Variants in SYNRG observed in about 807,000 individuals in gnomAD.
SYNRG encodes AP1 gamma subunit binding protein 1.
SYNRG carries 37 observed loss-of-function variants against 130.9 expected under a neutral mutation model. The observed-to-expected ratio is 0.28, with a 90% CI of 0.22 to 0.37. SYNRG has a LOEUF of 0.37. Among genes scored for constraint, SYNRG ranks in the 10% least tolerant of loss-of-function variants. The probability of loss-of-function intolerance (pLI) is 1.00; values close to 1 mark genes in which losing one functional copy is unlikely to be tolerated. For missense variants in SYNRG, 1,338 were observed against 1,588.9 expected, an observed-to-expected ratio of 0.84 and a Z score of 2.68; for synonymous variants, 539 against 568.1, an observed-to-expected ratio of 0.95 and a Z score of 0.73.
chr17:37,576,286 C>T (rs960934333), intron 8 of SYNRG, 55 bp downstream of exon 8: 2 of 1,540,630 alleles, frequency 1.3e-6, no homozygotes, highest in African/African-American at 2.8e-5. Context: ...ACTACATTTA[C>T]AATATTTAAA....
chr17:37,574,296 G>T (rs1282231344), intron 8 of SYNRG, among the ~76,000 whole-genome samples: 1 of 152,118 alleles, frequency 6.6e-6, no homozygotes, highest in Admixed American at 6.6e-5. Context: ...CAGAAACTAT[G>T]AAACTACTAA....
intron 11 of SYNRG, 31 bp downstream of exon 11, chr17:37,568,760 G>T (rs781191874): frequency 6.2e-7 from 1 of 1,603,162 alleles, no homozygotes; most frequent in Non-Finnish European, 8.5e-7. Flanking sequence ...ATGGTTAAAT[G>T]CAATGTTAAA....
intron 1 of SYNRG, among the ~76,000 whole-genome samples, chr17:37,608,801 G>C (rs1356635063): frequency 6.6e-6 from 1 of 152,108 alleles, no homozygotes. Flanking sequence ...CTCTAAAAGG[G>C]GAAGAGACAA....
chr17:37,537,932 T>C (rs774127390), intron 18 of SYNRG, among the ~76,000 whole-genome samples: 13 of 152,200 alleles, frequency 8.5e-5, no homozygotes, highest in African/African-American at 1.2e-4. Flanking sequence ...ACACATCAAA[T>C]TGCTGCAGAT....
At chr17:37,593,178 C>G (rs975880159) in intron 3 of SYNRG, among the ~76,000 whole-genome samples, 15 of 152,000 alleles carry the variant, frequency 9.9e-5, no homozygotes, top group Non-Finnish European at 2.9e-5. Flanking sequence ...TTTGAGAGGC[C>G]AAAGCGGGTG....
At chr17:37,578,481 G>A (rs528345600) in intron 6 of SYNRG, among the ~76,000 whole-genome samples, 2 of 152,294 alleles carry the variant, frequency 1.3e-5, no homozygotes, top group Non-Finnish European at 2.9e-5. Flanking sequence ...GAGTGTAGTG[G>A]AAGGAGCACT....
At chr17:37,595,305 CAT>C (rs1267176361) in intron 3 of SYNRG, among the ~76,000 whole-genome samples, 1 of 152,124 alleles carries the variant, frequency 6.6e-6, no homozygotes, top group Non-Finnish European at 1.5e-5. Flanking sequence ...AAGTTATATA[CAT>C]GTGTTACTGT....
chr17:37,596,310 A>G lies in SYNRG; in HGVS notation c.153T>C (p.Pro51=), dbSNP rs1015459257. 1.1e-5 allele frequency: 18 copies of G among 1,614,074 alleles called. No individual in the cohort carries two copies. The highest frequency in any genetic ancestry group is 1.4e-5 in the Non-Finnish European group (16 of 1,180,016). The change falls in exon 3 of 22, where the codon CCT becomes CCC. Residue 51 remains proline (P), a synonymous_variant. Transcript: ENST00000612223. The part of the protein sequence containing the change: ...GLMPMQQQGF[P]MVSVMQPNMQ... The stretch of plus-strand genomic sequence containing the variant: ...TATTAGGCTGCATGACAGAGACCAT[A>G]GGAAATCCTTGTTGCTGCATCGGCA...
At chr17:37,577,635 T>C (rs1325872352) in intron 6 of SYNRG, 22 bp from the exon 7 acceptor site, 2 of 1,571,636 alleles carry the variant, frequency 1.3e-6, no homozygotes, top group South Asian at 2.2e-5. Context: ...GCATGAAGGA[T>C]TATTTGTATA....
intron 19 of SYNRG, among the ~76,000 whole-genome samples, chr17:37,523,874 A>G (rs545014473): frequency 2.6e-5 from 4 of 152,222 alleles, no homozygotes; most frequent in Admixed American, 1.3e-4. Flanking sequence ...AAAGAAGTGA[A>G]GACAGAAGAG....
At position 37,517,542 on chromosome 17, in the gene SYNRG, T is replaced by C. The variant is rs2143391995; in HGVS notation, c.*1398A>G. On this transcript the variant is annotated 3_prime_UTR_variant, in exon 22 of 22. Coordinates refer to ENST00000612223, the MANE Select transcript of SYNRG (RefSeq NM_007247.6). ...AGAAGCCTCAGCAACAGCTGTTTAATGAAAATGTTCCACACCTTTCTTGGA... is the reference window on the plus strand; with the variant it reads ...AGAAGCCTCAGCAACAGCTGTTTAACGAAAATGTTCCACACCTTTCTTGGA... 2 of 152,064 alleles carry C rather than the reference T, an allele frequency of 1.3e-5. No individual in the cohort carries two copies. The highest frequency in any genetic ancestry group is 1.3e-4 in the Admixed American group (2 of 15,272). 9.4% of individuals were successfully genotyped at this position (152,064 alleles called of 1,614,324 possible). A position where few individuals can be genotyped will look rare whatever the true frequency, so the allele number is the denominator to read the frequency against.
At chr17:37,538,673 G>A (rs1022574872) in intron 17 of SYNRG, among the ~76,000 whole-genome samples, 1 of 152,184 alleles carries the variant, frequency 6.6e-6, no homozygotes, top group Non-Finnish European at 1.5e-5. Context: ...TCGGCTCACT[G>A]AACCCCTGAC....
intron 11 of SYNRG, among the ~76,000 whole-genome samples, chr17:37,565,559 G>A (rs961179691): frequency 5.3e-5 from 8 of 151,544 alleles, no homozygotes; most frequent in East Asian, 2.0e-4. Flanking sequence ...GGAAAGTGAG[G>A]AGCGTCTCCG....
rs1019075375 is a variant in SYNRG at position 37,529,895 on chromosome 17, A to C, written c.3666+6084T>G. 3.3e-6 allele frequency: 5 copies of C among 1,537,250 alleles called. No homozygotes were observed. In the South Asian group the frequency reaches 4.8e-5, roughly 15 times the overall value. ...GTGGCTGATTTGGGGGTTGTATAGA[A>C]ATCTAGTTTTCAAGTGTTAACTGCA... On this transcript the variant is annotated intron_variant, in intron 19 of 21. Coordinates refer to ENST00000612223, the MANE Select transcript of SYNRG (RefSeq NM_007247.6).
At chr17:37,545,760 G>C (rs981578387) in intron 14 of SYNRG, among the ~76,000 whole-genome samples, 5 of 152,180 alleles carry the variant, frequency 3.3e-5, no homozygotes, top group Non-Finnish European at 7.4e-5. Context: ...TTAAAATGAA[G>C]AGCAAATATA....
chr17:37,609,294 G>C lies in SYNRG; in HGVS notation c.62C>G (p.Ser21Cys). The C allele has an allele frequency of 6.9e-7, 1 of 1,455,576 alleles. No homozygotes were observed. Among genetic ancestry groups the C allele is most frequent in the South Asian group, 1.3e-5 (1 of 75,130 alleles). 90.2% of individuals were successfully genotyped at this position (1,455,576 alleles called of 1,614,324 possible). ...TCACACCTACCCGCCTCCCCCGGCG[G>C]ACCCCGCGCCAGCTCCCGCGGCCCC... ...GGGAAGAGAG[S>C]AGGGGFMFPV... The change falls in exon 1 of 22, where the codon TCC (serine) becomes TGC (cysteine). Residue 21 changes from serine to cysteine, a missense_variant. Coordinates refer to ENST00000612223, the MANE Select transcript of SYNRG (RefSeq NM_007247.6).
At chr17:37,520,085 C>A (rs1291013536) in intron 21 of SYNRG, 94 bp downstream of exon 21, 2 of 1,356,594 alleles carry the variant, frequency 1.5e-6, no homozygotes, top group Non-Finnish European at 2.1e-6. Context: ...ATGATTGGAA[C>A]AGTTCAGGAT....
At chr17:37,569,388 C>T (rs540438436) in intron 10 of SYNRG, among the ~76,000 whole-genome samples, 20 of 136,450 alleles carry the variant, frequency 1.5e-4, no homozygotes, top group African/African-American at 3.9e-4. Flanking sequence ...CCAGCCTGGG[C>T]GACAGAGCAA....
intron 2 of SYNRG, among the ~76,000 whole-genome samples, chr17:37,596,887 CAGGTG>C (rs1293103022): frequency 3.9e-5 from 6 of 152,150 alleles, no homozygotes; most frequent in African/African-American, 1.4e-4. Context: ...GCTGGGACTA[CAGGTG>C]CCTGCCACCA....
Sources: gnomAD v4.1 joint callset for allele counts (sites outside exome capture counted in the v4.1 genomes callset) on GRCh38, gnomAD v4.1.1 for gene constraint, MANE v1.5 for transcripts, NCBI Gene and HGNC (gene_info 2026-07-23, HGNC 2026-07-21) for gene names.